The following QRFPR variants were observed in gnomAD, a reference collection of about 807,000 sequenced individuals.
QRFPR encodes the protein pyroglutamylated RFamide peptide receptor, also known as pyroglutamylated RF-amide peptide receptor.
In QRFPR, 37 loss-of-function variants were observed where a neutral mutation model predicts 31.3. The ratio of observed to expected loss-of-function variants is 1.18; its 90% confidence interval spans 0.91 to 1.56. The LOEUF is 1.56. Ranked by LOEUF, QRFPR falls within the 40% of genes most tolerant of loss-of-function variation. The pLI is 0.00. For missense variants in QRFPR, 542 were observed against 532.5 expected (o/e 1.02, Z -0.18); for synonymous variants, 197 against 192.0 (o/e 1.03, Z -0.22).
At chr4:121,371,675 G>C (rs1162237157) in intron 1 of QRFPR, among the ~76,000 whole-genome samples, 1 of 152,188 alleles carries the variant, frequency 6.6e-6, no homozygotes, top group African/African-American at 2.4e-5. Flanking sequence ...TGATCGGGGA[G>C]CTTTAGTCCC....
chr4:121,330,956 A>G (rs868666380), intron 4 of QRFPR, among the ~76,000 whole-genome samples: 2 of 152,110 alleles, frequency 1.3e-5, no homozygotes, highest in Admixed American at 1.3e-4. Context: ...TGCCTGTGGT[A>G]GTAAAATATC....
chr4:121,354,747 A>T (rs924560476), intron 1 of QRFPR, among the ~76,000 whole-genome samples: 1 of 151,888 alleles, frequency 6.6e-6, no homozygotes, highest in African/African-American at 2.4e-5. Context: ...TGTTTGAGAG[A>T]TTTTATCATG....
chr4:121,380,198 A>AC (rs1726452577), intron 1 of QRFPR, 110 bp downstream of exon 1: 1 of 137,674 alleles, frequency 7.3e-6, no homozygotes, highest in African/African-American at 9.1e-5. Context: ...AGAGAGAGAG[A>AC]GAGAGAGAGA....
At chr4:121,355,110 G>A (rs572024921) in intron 1 of QRFPR, among the ~76,000 whole-genome samples, 29 of 151,998 alleles carry the variant, frequency 1.9e-4, no homozygotes, top group East Asian at 5.8e-4. Flanking sequence ...TATTCCTTCC[G>A]CTTTGATTTT....
At chr4:121,337,873 A>T (rs554408503) in intron 2 of QRFPR, among the ~76,000 whole-genome samples, 2 of 152,224 alleles carry the variant, frequency 1.3e-5, no homozygotes, top group Non-Finnish European at 2.9e-5. Flanking sequence ...GAACAATTTC[A>T]ACCCGTGTGT....
At position 121,329,106 on chromosome 4, in the gene QRFPR, A is replaced by C; in HGVS notation, c.*208T>G. 2.2e-6 allele frequency: 1 copy of C among 462,082 alleles called. No individual in the cohort carries two copies. The highest frequency in any genetic ancestry group is 3.7e-6 in the Non-Finnish European group (1 of 267,042). 28.6% of individuals were successfully genotyped at this position (462,082 alleles called of 1,614,324 possible). A position where few individuals can be genotyped will look rare whatever the true frequency, so the allele number is the denominator to read the frequency against. ...AAGTGAAGCAGTGGGAATGAGAAGG[A>C]ACACAGAAATCTGTTAAATGATTGT... On this transcript the variant is annotated 3_prime_UTR_variant, in exon 6 of 6. Transcript: ENST00000394427.
chr4:121,336,941 T>C (rs1725447493), intron 2 of QRFPR, 73 bp from the exon 3 acceptor site: 1 of 1,340,710 alleles, frequency 7.5e-7, no homozygotes, highest in African/African-American at 1.4e-5. Flanking sequence ...TATCTAACCC[T>C]CAAGATTCCC....
rs1726086496 is a variant in QRFPR at position 121,365,535 on chromosome 4, AT to A, written c.340+14772del. Among the ~76,000 whole-genome samples the A allele has an allele frequency of 3.5e-4, 2 of 5,642 alleles. 1 individual carries two copies. The highest frequency in any genetic ancestry group is 0.011 in the East Asian group (2 of 186). The allele number at this position is 5,642 out of a possible 152,430, so 3.7% of individuals were successfully genotyped here. On this transcript the variant is annotated intron_variant, in intron 1 of 5. Coordinates refer to ENST00000394427, the MANE Select transcript of QRFPR (RefSeq NM_198179.3). ...ATATATATTATATATATTATATATA[AT>A]ATATATTATATATAATATATAATAT...
At chr4:121,342,360 G>A (rs1252946421) in intron 1 of QRFPR, among the ~76,000 whole-genome samples, 1 of 152,132 alleles carries the variant, frequency 6.6e-6, no homozygotes, top group African/African-American at 2.4e-5. Context: ...GAACTTCCCA[G>A]TGTCTGCAGT....
At position 121,329,539 on chromosome 4, in the gene QRFPR, AG is replaced by A; in HGVS notation, c.1070del (p.Ser357PhefsTer13). ...VCYCIVNKTF[S>X]PAQRHGNSGI... ...CTGAATTTCCATGCCTTTGTGCTGG[AG>A]AGAAGGTTTTATTTACTATGCAATA... On this transcript the variant is annotated frameshift_variant, in exon 6 of 6. Coordinates refer to ENST00000394427, the MANE Select transcript of QRFPR (RefSeq NM_198179.3). LOFTEE classifies it low-confidence loss of function (END_TRUNC). The A allele has an allele frequency of 6.2e-7, 1 of 1,613,802 alleles. No individual in the cohort carries two copies. The highest frequency in any genetic ancestry group is 1.1e-5 in the South Asian group (1 of 90,962).
chr4:121,366,587 T>C (rs1726138405), intron 1 of QRFPR, among the ~76,000 whole-genome samples: 1 of 149,668 alleles, frequency 6.7e-6, no homozygotes, highest in Admixed American at 6.6e-5. Context: ...GGTCACCAGT[T>C]AAAACAATGA....
intron 1 of QRFPR, among the ~76,000 whole-genome samples, chr4:121,350,566 A>G (rs1725745266): frequency 6.6e-6 from 1 of 152,242 alleles, no homozygotes; most frequent in African/African-American, 2.4e-5. Context: ...ATAAAATGAT[A>G]TGATGCCTCT....
At chr4:121,338,465 A>G (rs1725475109) in intron 2 of QRFPR, among the ~76,000 whole-genome samples, 3 of 152,236 alleles carry the variant, frequency 2.0e-5, no homozygotes, top group Admixed American at 2.0e-4. Flanking sequence ...ATGTGGCCCA[A>G]CACAAATTTG....
intron 2 of QRFPR, among the ~76,000 whole-genome samples, chr4:121,338,065 AT>A (rs1187463294): frequency 6.6e-6 from 1 of 152,158 alleles, no homozygotes; most frequent in African/African-American, 2.4e-5. Context: ...GAAACACATA[AT>A]TTGGTGCTGC....
chr4:121,347,863 A>G (rs1435868059), intron 1 of QRFPR, among the ~76,000 whole-genome samples: 2 of 152,152 alleles, frequency 1.3e-5, no homozygotes, highest in Non-Finnish European at 2.9e-5. Flanking sequence ...AATATTAACT[A>G]CAAAGCCAAT....
chr4:121,342,362 G>A (rs6849687), intron 1 of QRFPR, among the ~76,000 whole-genome samples: 4,304 of 152,198 alleles, frequency 0.028, 202 homozygotes, highest in African/African-American at 0.097. Context: ...ACTTCCCAGT[G>A]TCTGCAGTTG....
Position 121,370,147 on chromosome 4 carries a change from G to A in QRFPR, c.340+10161C>T. On this transcript the variant is annotated intron_variant, in intron 1 of 5. Coordinates refer to ENST00000394427, the MANE Select transcript of QRFPR (RefSeq NM_198179.3). ...GCCTCTCCTTCCTCCACCTTGGTGA[G>A]GTGCTGATACTTGTGCTCTGAAATC... 9.1e-6 allele frequency: 7 copies of A among 766,576 alleles called. No individual in the cohort carries two copies. In the South Asian group the frequency reaches 9.6e-5, roughly 10 times the overall value. The allele number at this position is 766,576 out of a possible 1,614,324, so 47.5% of individuals were successfully genotyped here.
chr4:121,329,879 C>T (rs567597580), intron 5 of QRFPR, among the ~76,000 whole-genome samples, 165 bp from the exon 6 acceptor site: 3 of 152,266 alleles, frequency 2.0e-5, no homozygotes, highest in African/African-American at 4.8e-5. Flanking sequence ...TAAAAACAAC[C>T]TTTGTGATGA....
intron 1 of QRFPR, among the ~76,000 whole-genome samples, chr4:121,346,442 T>G (rs1725652198): frequency 6.6e-6 from 1 of 152,226 alleles, no homozygotes; most frequent in Non-Finnish European, 1.5e-5. Flanking sequence ...TAGGTGTTTT[T>G]GTAGCTTCTT....
Sources: allele counts gnomAD v4.1 joint callset (sites outside exome capture counted in the v4.1 genomes callset), GRCh38; gene constraint gnomAD v4.1.1; transcripts MANE v1.5; gene names NCBI Gene and HGNC (gene_info 2026-07-23, HGNC 2026-07-21).